The following CNNM4 variants were observed in gnomAD, a reference collection of about 807,000 sequenced individuals.
CNNM4 encodes metal transporter CNNM4.
In CNNM4, 32 loss-of-function variants were observed where a neutral mutation model predicts 53.7. The ratio of observed to expected loss-of-function variants is 0.60; its 90% CI spans 0.45 to 0.80. CNNM4 has a LOEUF of 0.80. Among genes scored for constraint, CNNM4 ranks in the 30% least tolerant of loss-of-function variants. The probability of loss-of-function intolerance (pLI) is 0.00; values close to 1 mark genes in which losing one functional copy is unlikely to be tolerated. For missense variants in CNNM4, 784 were observed against 1,022.0 expected, an observed-to-expected ratio of 0.77 and a Z score of 3.17; for synonymous variants, 410 against 440.0, an observed-to-expected ratio of 0.93 and a Z score of 0.85.
At chr2:96,764,747 G>A (rs2078798225) in intron 1 of CNNM4, among the ~76,000 whole-genome samples, 1 of 152,130 alleles carries the variant, frequency 6.6e-6, no homozygotes, top group Admixed American at 6.5e-5. Flanking sequence ...CAGCACTTTG[G>A]GAGGGCGAGG....
At chr2:96,780,507 G>A (rs1315304613) in intron 1 of CNNM4, among the ~76,000 whole-genome samples, 4 of 147,160 alleles carry the variant, frequency 2.7e-5, no homozygotes, top group African/African-American at 5.0e-5. Flanking sequence ...TGATCCTCCC[G>A]CCTTGGCCTC....
chr2:96,792,084 T>C (rs1442144679), intron 1 of CNNM4, among the ~76,000 whole-genome samples: 1 of 151,738 alleles, frequency 6.6e-6, no homozygotes, highest in African/African-American at 2.4e-5. Flanking sequence ...TGAAACCCCA[T>C]CTCTACTAAA....
Position 96,780,832 on chromosome 2 carries a change from G to C in CNNM4, c.1403-16180G>C, listed in dbSNP as rs181160250. On this transcript the variant is annotated intron_variant, in intron 1 of 6. Transcript: ENST00000377075. ...GGCTCGCTGCAACCTCTGCCTCCTG[G>C]GTTCAAGCAATTCTTCTGCCTCAGC... 5.2e-3 allele frequency among the ~76,000 whole-genome samples: 792 copies of C among 151,812 alleles called. 8 individuals are homozygous for C. The highest frequency in any genetic ancestry group is 0.018 in the African/African-American group (725 of 41,398).
In CNNM4 at chr2:96,778,801, C is replaced by T. The variant is rs576585162; in HGVS notation, c.1402+16400C>T. ...CATATGTATTGCAAATACATTCTCCCACTCTGCGGATTTTAGCCTTTACAT... is the reference window on the plus strand; with the variant it reads ...CATATGTATTGCAAATACATTCTCCTACTCTGCGGATTTTAGCCTTTACAT... On this transcript the variant is annotated intron_variant, in intron 1 of 6. Transcript: ENST00000377075. 5.5e-4 allele frequency among the ~76,000 whole-genome samples: 83 copies of T among 152,122 alleles called. 1 individual carries two copies. Among genetic ancestry groups the T allele is most frequent in the African/African-American group, 1.9e-3 (78 of 41,522 alleles).
In CNNM4 at chr2:96,761,824, C is replaced by G; in HGVS notation, c.825C>G (p.Ser275=). ...CCGGCCTCATGGCGGTGGCCTCCTC[C>G]ACCATTGGCATTGTCATCTTTGGGG... The part of the protein sequence containing the change: ...IGSGLMAVAS[S]TIGIVIFGEI... Residue 275 remains serine (S), a synonymous_variant, in exon 1 of 7, where the codon TCC becomes TCG. Coordinates refer to ENST00000377075, the MANE Select transcript of CNNM4 (RefSeq NM_020184.4). This position sits in a 1 kb window ranked among gnomAD's most constrained non-coding sequence, Gnocchi z 6.0. 6.2e-7 allele frequency: 1 copy of G among 1,614,104 alleles called. No homozygotes were observed. Among genetic ancestry groups the G allele is most frequent in the Non-Finnish European group, 8.5e-7 (1 of 1,180,030 alleles).
In CNNM4 at chr2:96,808,466, G is replaced by A. The variant is rs1311648120; in HGVS notation, c.1949-95G>A. 8.0e-7 allele frequency: 1 copy of A among 1,253,744 alleles called. No individual in the cohort carries two copies. The highest frequency in any genetic ancestry group is 1.2e-6 in the Non-Finnish European group (1 of 866,076). The allele number at this position is 1,253,744 out of a possible 1,614,324, so 77.7% of individuals were successfully genotyped here. A position where few individuals can be genotyped will look rare whatever the true frequency, so the allele number is the denominator to read the frequency against. On this transcript the variant is annotated intron_variant, in intron 5 of 6. Coordinates refer to ENST00000377075, the MANE Select transcript of CNNM4 (RefSeq NM_020184.4). The surrounding 1 kb of genome is among the most constrained non-coding windows in gnomAD (Gnocchi z 4.9). ...AGAATGACTTCCTGTTCCTGGGTGG[G>A]GTGTCCCTGGGCTTCCATGGGATGA...
chr2:96,786,451 G>C (rs1235648830), intron 1 of CNNM4, among the ~76,000 whole-genome samples: 1 of 150,224 alleles, frequency 6.7e-6, no homozygotes, highest in African/African-American at 2.5e-5. Context: ...TAGTGTATTA[G>C]AGAAACTTAG....
Position 96,761,737 on chromosome 2 carries a change from G to T in CNNM4, c.738G>T (p.Leu246Phe). The T allele has an allele frequency of 1.9e-6, 3 of 1,610,052 alleles. No homozygotes were observed. Among genetic ancestry groups the T allele is most frequent in the Non-Finnish European group, 1.7e-6 (2 of 1,179,984 alleles). Reference protein sequence around the residue: ...RRKGNYLLCSLLLGNVLVNTS... With the variant: ...RRKGNYLLCSFLLGNVLVNTS... ...AGGGCAACTACCTTCTCTGCTCGTT[G>T]CTCCTAGGGAACGTGCTGGTCAACA... is the stretch of plus-strand genomic sequence containing the variant. The change falls in exon 1 of 7, where the codon TTG becomes TTT. Residue 246 changes from leucine to phenylalanine, a missense_variant. This residue lies in a region of CNNM4 where 473 missense variants were observed against 624.6 expected (regional missense o/e 0.76). Coordinates refer to ENST00000377075, the MANE Select transcript of CNNM4 (RefSeq NM_020184.4). The surrounding 1 kb of genome is among the most constrained non-coding windows in gnomAD (Gnocchi z 6.0).
intron 1 of CNNM4, among the ~76,000 whole-genome samples, chr2:96,785,743 G>T (rs979944906): frequency 4.6e-5 from 7 of 152,112 alleles, no homozygotes; most frequent in Admixed American, 3.9e-4. Flanking sequence ...ACTCTAGGCT[G>T]CAGTGAGCTA....
At chr2:96,780,260 T>G (rs1044395825) in intron 1 of CNNM4, among the ~76,000 whole-genome samples, 4 of 152,154 alleles carry the variant, frequency 2.6e-5, no homozygotes, top group Admixed American at 6.6e-5. Context: ...ATGAGGGCTC[T>G]AAAATTTGAT....
At chr2:96,796,144 T>G (rs1424461123) in intron 1 of CNNM4, among the ~76,000 whole-genome samples, 3 of 127,454 alleles carry the variant, frequency 2.4e-5, no homozygotes, top group African/African-American at 3.5e-5. Flanking sequence ...TTTTTTTTTT[T>G]TTTTTTTTTT....
intron 5 of CNNM4, among the ~76,000 whole-genome samples, chr2:96,806,537 G>GCA (rs2079210033): frequency 1.0e-5 from 1 of 98,762 alleles, no homozygotes; most frequent in Admixed American, 9.8e-5. Context: ...ACACACACAC[G>GCA]CGCGCGCGCG....
Position 96,799,599 on chromosome 2 carries a change from G to C in CNNM4, c.1899G>C (p.Thr633=). 1 of 1,554,874 alleles carries C rather than the reference G, an allele frequency of 6.4e-7. No individual in the cohort carries two copies. Among genetic ancestry groups the C allele is most frequent in the Non-Finnish European group, 8.7e-7 (1 of 1,148,606 alleles). Residue 633 remains threonine (T), a synonymous_variant, in exon 5 of 7, where the codon ACG becomes ACC. Coordinates refer to ENST00000377075, the MANE Select transcript of CNNM4 (RefSeq NM_020184.4). ...GGAAGGAGAACATGAAGTTTGAGACGGGCGCCTTCTCCTACTATGGGACTA... is the reference window on the plus strand; with the variant it reads ...GGAAGGAGAACATGAAGTTTGAGACCGGCGCCTTCTCCTACTATGGGACTA... ...EAGKENMKFE[T]GAFSYYGTMA...
rs1026291178 is a variant in CNNM4, at chr2:96,801,616, CAGAGACCACACGCAG to C, written c.1948+1980_1948+1994del. Among the ~76,000 whole-genome samples, 9 of 147,588 alleles carry C rather than the reference CAGAGACCACACGCAG, an allele frequency of 6.1e-5. No homozygotes were observed. Among genetic ancestry groups the C allele is most frequent in the Non-Finnish European group, 1.0e-4 (7 of 67,160 alleles). ...AGACCACACACACAGAGACCACACACAGAGACCACACGCAGAGAGACCACACACATGCAGAGAGAC... is the reference window on the plus strand; with the variant it reads ...AGACCACACACACAGAGACCACACACAGAGACCACACACATGCAGAGAGAC... On this transcript the variant is annotated intron_variant, in intron 5 of 6. Coordinates refer to ENST00000377075, the MANE Select transcript of CNNM4 (RefSeq NM_020184.4). This position sits in a 1 kb window ranked among gnomAD's most constrained non-coding sequence, Gnocchi z 5.6.
chr2:96,774,105 C>T (rs1382076193), intron 1 of CNNM4, among the ~76,000 whole-genome samples: 2 of 152,190 alleles, frequency 1.3e-5, no homozygotes, highest in African/African-American at 4.8e-5. Flanking sequence ...TGACCGCCAG[C>T]GCATCCATGT....
At chr2:96,772,511 C>G (rs1366077829) in intron 1 of CNNM4, among the ~76,000 whole-genome samples, 2 of 141,286 alleles carry the variant, frequency 1.4e-5, no homozygotes. Flanking sequence ...CTCATACCCC[C>G]CACAAAGGCA....
chr2:96,791,911 C>T (rs535397963), intron 1 of CNNM4, among the ~76,000 whole-genome samples: 2 of 152,020 alleles, frequency 1.3e-5, no homozygotes, highest in Non-Finnish European at 2.9e-5. Context: ...TGGAGTCACT[C>T]GCTCTGTTGC....
intron 1 of CNNM4, among the ~76,000 whole-genome samples, chr2:96,777,514 A>T (rs902098208): frequency 1.3e-5 from 2 of 151,944 alleles, no homozygotes; most frequent in African/African-American, 4.8e-5. Context: ...ACACCTGGCT[A>T]CTTTGAGACA....
chr2:96,787,082 C>A (rs2153347394), intron 1 of CNNM4, among the ~76,000 whole-genome samples: 1 of 152,300 alleles, frequency 6.6e-6, no homozygotes. Context: ...TTTTTAAGAG[C>A]CCTGCAATAT....
Sources: allele counts gnomAD v4.1 joint callset (sites outside exome capture counted in the v4.1 genomes callset), GRCh38; gene constraint gnomAD v4.1.1; regional missense constraint gnomAD v4.1.1; non-coding constraint Gnocchi (gnomAD v3.1); transcripts MANE v1.5; gene names NCBI Gene and HGNC (gene_info 2026-07-23, HGNC 2026-07-21).